Variants in SECISBP2 observed in about 807,000 individuals in gnomAD.
The protein encoded by SECISBP2 is selenocysteine insertion sequence-binding protein 2.
SECISBP2 carries 96 observed loss-of-function variants against 98.2 expected under a neutral mutation model. The ratio of observed to expected loss-of-function variants is 0.98; its 90% CI spans 0.83 to 1.16. The LOEUF is 1.16. Ranked by LOEUF, SECISBP2 falls within the 50% of genes most tolerant of loss-of-function variation. SECISBP2 has a pLI of 0.00. For synonymous variants in SECISBP2, 407 were observed against 370.2 expected, an observed-to-expected ratio of 1.10 and a Z score of -1.14; for missense variants, 1,046 against 1,022.9, an observed-to-expected ratio of 1.02 and a Z score of -0.31.
At chr9:89,341,608 A>C (rs1829668026) in intron 10 of SECISBP2, 129 bp downstream of exon 10, 1 of 1,085,020 alleles carries the variant, frequency 9.2e-7, no homozygotes, top group African/African-American at 1.6e-5. Context: ...ATAAGCATAG[A>C]TAAGGACCTG....
At chr9:89,356,193 T>A (rs1016333442) in intron 14 of SECISBP2, among the ~76,000 whole-genome samples, 3 of 152,178 alleles carry the variant, frequency 2.0e-5, no homozygotes, top group African/African-American at 7.2e-5. Flanking sequence ...ACAAACTCTG[T>A]TGTAAACTGC....
chr9:89,321,753 G>C (rs908012157), intron 2 of SECISBP2, among the ~76,000 whole-genome samples: 1 of 152,186 alleles, frequency 6.6e-6, no homozygotes, highest in Non-Finnish European at 1.5e-5. Flanking sequence ...AAGAAAACAA[G>C]GATAAGGAAG....
intron 2 of SECISBP2, chr9:89,323,403 A>C (rs1826143418): frequency 6.6e-6 from 1 of 152,492 alleles, no homozygotes; most frequent in Non-Finnish European, 1.5e-5. Context: ...GGAAAGAGAC[A>C]GAGATAGAGC....
intron 10 of SECISBP2, among the ~76,000 whole-genome samples, chr9:89,345,317 C>G (rs1177772584): frequency 6.6e-6 from 1 of 152,176 alleles, no homozygotes; most frequent in Non-Finnish European, 1.5e-5. Flanking sequence ...AATGACCACG[C>G]TTTGAATTCA....
chr9:89,328,365 T>A (rs749258348), intron 4 of SECISBP2, among the ~76,000 whole-genome samples: 1 of 152,242 alleles, frequency 6.6e-6, no homozygotes, highest in African/African-American at 2.4e-5. Flanking sequence ...GTTGTATACG[T>A]AATCCATTGC....
intron 7 of SECISBP2, among the ~76,000 whole-genome samples, chr9:89,336,081 C>CTCTTTTTTTTT (rs1828629469): frequency 6.0e-5 from 2 of 33,062 alleles, no homozygotes; most frequent in Non-Finnish European, 1.1e-4. Context: ...ATTTTAAGTG[C>CTCTTTTTTTTT]TTTTTTTTTT....
chr9:89,345,895 C>T (rs747597327), intron 10 of SECISBP2, among the ~76,000 whole-genome samples: 9 of 152,240 alleles, frequency 5.9e-5, no homozygotes, highest in Non-Finnish European at 7.3e-5. Context: ...AGCAGCTGTG[C>T]TCACTAAGGC....
intron 14 of SECISBP2, among the ~76,000 whole-genome samples, chr9:89,354,325 A>C (rs1831735455): frequency 6.6e-6 from 1 of 152,240 alleles, no homozygotes; most frequent in East Asian, 1.9e-4. Flanking sequence ...TACAGTGAAA[A>C]GGCACAAAGC....
At chr9:89,329,297 G>A (rs1195626145) in intron 5 of SECISBP2, 5 of 209,780 alleles carry the variant, frequency 2.4e-5, no homozygotes, top group Non-Finnish European at 4.8e-5. Context: ...TTGTATTTTA[G>A]TAGAGACGGG....
chr9:89,323,390 T>G (rs1040642770), intron 2 of SECISBP2: 12 of 152,312 alleles, frequency 7.9e-5, no homozygotes, highest in African/African-American at 2.9e-4. Context: ...GAGACTGCAC[T>G]AGGGAAAGAG....
At chr9:89,323,030 A>G (rs542972477) in intron 2 of SECISBP2, 12 of 152,344 alleles carry the variant, frequency 7.9e-5, no homozygotes, top group African/African-American at 2.2e-4. Context: ...AAGAAACTAC[A>G]TGAGAGAACT....
chr9:89,346,947 A>G lies in SECISBP2; in HGVS notation c.1501A>G (p.Met501Val). 1 of 1,614,180 alleles carries G rather than the reference A, an allele frequency of 6.2e-7. No individual in the cohort carries two copies. The highest frequency in any genetic ancestry group is 8.5e-7 in the Non-Finnish European group (1 of 1,180,018). Reference sequence around the variant, plus strand: ...GGAGAGAGGCCGCCGCATGAGTCAAATGAAGACCCCGCACAATCCCTTGGA... The same window carrying G: ...GGAGAGAGGCCGCCGCATGAGTCAAGTGAAGACCCCGCACAATCCCTTGGA... ...SGERGRRMSQ[M>V]KTPHNPLDSS... is the part of the protein sequence containing the mutation. Residue 501 changes from methionine (M) to valine (V), a missense_variant, in exon 11 of 17, where the codon ATG (methionine) becomes GTG (valine). Met to Val is a conservative substitution (Grantham distance 21). Coordinates refer to ENST00000375807, the MANE Select transcript of SECISBP2 (RefSeq NM_024077.5).
chr9:89,319,876 G>A, intron 2 of SECISBP2, 79 bp downstream of exon 2: 1 of 1,410,990 alleles, frequency 7.1e-7, no homozygotes, highest in South Asian at 1.2e-5. Flanking sequence ...ATACTCAGCA[G>A]TTACTGCACT....
intron 4 of SECISBP2, among the ~76,000 whole-genome samples, chr9:89,328,114 G>T (rs1196303141): frequency 6.6e-6 from 1 of 152,202 alleles, no homozygotes; most frequent in African/African-American, 2.4e-5. Context: ...TTTTTCTTTT[G>T]TAAGTAGTGG....
chr9:89,364,147 T>A, downstream of SECISBP2: 1 of 1,118,606 alleles, frequency 8.9e-7, no homozygotes, highest in South Asian at 1.6e-5. Context: ...TGGCCCGTCC[T>A]GTGGACTTCC....
downstream of SECISBP2, chr9:89,362,090 T>G (rs925306429): frequency 1.9e-5 from 10 of 539,976 alleles, no homozygotes; most frequent in South Asian, 2.0e-4. Flanking sequence ...CCCTGCTGTT[T>G]TAGTTCACGA....
intron 10 of SECISBP2, among the ~76,000 whole-genome samples, chr9:89,342,230 G>A (rs1713731451): frequency 6.6e-6 from 1 of 152,224 alleles, no homozygotes; most frequent in South Asian, 2.1e-4. Context: ...CAAAAGTACA[G>A]TGAAATACTA....
At chr9:89,349,727 G>T (rs1446858537) in intron 12 of SECISBP2, 49 bp from the exon 13 acceptor site, 4 of 1,609,138 alleles carry the variant, frequency 2.5e-6, no homozygotes, top group Non-Finnish European at 3.4e-6. Context: ...CCCTCAGTGT[G>T]TGCACTGGGC....
chr9:89,363,581 C>G, downstream of SECISBP2: 3 of 1,608,654 alleles, frequency 1.9e-6, no homozygotes, highest in South Asian at 2.2e-5. Flanking sequence ...TTATGGCACC[C>G]TTGATGCCCA....
Sources: gnomAD v4.1 joint callset for allele counts (sites outside exome capture counted in the v4.1 genomes callset) on GRCh38, gnomAD v4.1.1 for gene constraint, MANE v1.5 for transcripts, NCBI Gene and HGNC (gene_info 2026-07-23, HGNC 2026-07-21) for gene names.